The following NECAB1 variants were observed in gnomAD, a reference collection of about 807,000 sequenced individuals.
NECAB1 encodes the protein N-terminal EF-hand calcium binding protein 1, also known as N-terminal EF-hand calcium-binding protein 1.
Under a neutral mutation model 57.5 loss-of-function variants are expected in NECAB1, and 29 were observed. The ratio of observed to expected loss-of-function variants is 0.50; its 90% confidence interval spans 0.38 to 0.69. NECAB1 has a LOEUF of 0.69. NECAB1 is among the 30% of genes least tolerant of loss of function. NECAB1 has a pLI of 0.00. For synonymous variants in NECAB1, 142 were observed against 147.7 expected (o/e 0.96, Z 0.28); for missense variants, 372 against 413.8 (o/e 0.90, Z 0.88).
intron 6 of NECAB1, among the ~76,000 whole-genome samples, chr8:90,924,608 C>T (rs1040507348): frequency 3.9e-5 from 6 of 152,168 alleles, no homozygotes; most frequent in Admixed American, 1.3e-4. Context: ...TTCTTTTTCA[C>T]ATATTAAGTG....
At chr8:90,950,921 C>A (rs1291210892) in intron 11 of NECAB1, among the ~76,000 whole-genome samples, 192 bp from the exon 12 acceptor site, 1 of 152,094 alleles carries the variant, frequency 6.6e-6, no homozygotes, top group East Asian at 1.9e-4. Flanking sequence ...AAAAAAGTTT[C>A]TGATGACAAT....
chr8:90,793,883 G>C (rs1049468340), intron 1 of NECAB1, among the ~76,000 whole-genome samples: 3 of 152,204 alleles, frequency 2.0e-5, no homozygotes, highest in African/African-American at 7.2e-5. Context: ...CAACTGCAAT[G>C]TTTTCGAAGA....
intron 5 of NECAB1, among the ~76,000 whole-genome samples, chr8:90,904,865 T>A (rs1163074971): frequency 2.0e-5 from 3 of 152,152 alleles, no homozygotes; most frequent in African/African-American, 7.2e-5. Context: ...TAAATGGTGC[T>A]AGAAAAATGA....
intron 5 of NECAB1, among the ~76,000 whole-genome samples, chr8:90,889,138 A>AAAT (rs201192606): frequency 5.9e-5 from 9 of 152,176 alleles, no homozygotes; most frequent in South Asian, 2.1e-4. Context: ...TTATGAACCA[A>AAAT]AATAATAATA....
chr8:90,864,790 G>A (rs1563510111), intron 3 of NECAB1, among the ~76,000 whole-genome samples: 1 of 152,082 alleles, frequency 6.6e-6, no homozygotes, highest in African/African-American at 2.4e-5. Context: ...GCTTTTGATG[G>A]CGCATGGCTT....
chr8:90,819,159 G>T (rs1321076684), intron 2 of NECAB1, among the ~76,000 whole-genome samples: 1 of 151,462 alleles, frequency 6.6e-6, no homozygotes, highest in Non-Finnish European at 1.5e-5. Context: ...TTCATTCTCT[G>T]TTAGAATTTT....
chr8:90,809,028 G>C (rs1295234154), intron 2 of NECAB1, among the ~76,000 whole-genome samples: 1 of 152,180 alleles, frequency 6.6e-6, no homozygotes, highest in African/African-American at 2.4e-5. Flanking sequence ...GCAGTGCCCA[G>C]AGGTCTGTCC....
chr8:90,923,275 T>G (rs879799969), intron 6 of NECAB1, among the ~76,000 whole-genome samples: 3 of 152,192 alleles, frequency 2.0e-5, no homozygotes, highest in Non-Finnish European at 4.4e-5. Flanking sequence ...CTGGCACAGC[T>G]GATAGGACAC....
chr8:90,935,602 T>C (rs1413379577), intron 9 of NECAB1, among the ~76,000 whole-genome samples: 3 of 152,150 alleles, frequency 2.0e-5, no homozygotes, highest in African/African-American at 7.2e-5. Flanking sequence ...TATCTTCTCG[T>C]AGGTTTGCAT....
At chr8:90,840,950 CAAAAA>C (rs34615882) in intron 3 of NECAB1, among the ~76,000 whole-genome samples, 18 of 121,666 alleles carry the variant, frequency 1.5e-4, no homozygotes, top group Admixed American at 9.5e-4. Flanking sequence ...TAAATCTATT[CAAAAA>C]AAAAAAAAAA....
At chr8:90,949,064 T>G (rs1586151696) in intron 10 of NECAB1, among the ~76,000 whole-genome samples, 1 of 150,470 alleles carries the variant, frequency 6.6e-6, no homozygotes, top group Non-Finnish European at 1.5e-5. Flanking sequence ...GAAAAGAAAT[T>G]TAAAAGTAAA....
In NECAB1 at chr8:90,827,530, G is replaced by A. The variant is rs191266462; in HGVS notation, c.233+2705G>A. ...AAGATTCTGTTCCTTGTGAAAGAATGTTCTAAGACAGTGTTACCCAATCAC... is the reference window on the plus strand; with the variant it reads ...AAGATTCTGTTCCTTGTGAAAGAATATTCTAAGACAGTGTTACCCAATCAC... On this transcript the variant is annotated intron_variant, in intron 3 of 12. Coordinates refer to ENST00000417640, the MANE Select transcript of NECAB1 (RefSeq NM_022351.5). Among the ~76,000 whole-genome samples, 19 of 152,080 alleles carry A rather than the reference G, an allele frequency of 1.2e-4. No homozygotes were observed. In the East Asian group the frequency reaches 3.3e-3, roughly 26 times the overall value.
At chr8:90,892,418 CATCT>C (rs1403111644) in intron 5 of NECAB1, among the ~76,000 whole-genome samples, 1 of 152,160 alleles carries the variant, frequency 6.6e-6, no homozygotes, top group African/African-American at 2.4e-5. Flanking sequence ...CTAAGTATCA[CATCT>C]ATCAAATTTT....
intron 3 of NECAB1, among the ~76,000 whole-genome samples, chr8:90,834,377 G>A (rs1041770508): frequency 6.6e-6 from 1 of 152,078 alleles, no homozygotes; most frequent in Non-Finnish European, 1.5e-5. Context: ...AGTATTAAAA[G>A]AGAGGGCCTT....
chr8:90,906,876 CAT>C (rs57808023), intron 5 of NECAB1, among the ~76,000 whole-genome samples: 1,367 of 121,664 alleles, frequency 0.011, 16 homozygotes, highest in South Asian at 0.043. Flanking sequence ...ATGATATACA[CAT>C]ATATATATAT....
At chr8:90,913,820 G>A (rs1480712064) in intron 5 of NECAB1, among the ~76,000 whole-genome samples, 4 of 152,164 alleles carry the variant, frequency 2.6e-5, no homozygotes, top group African/African-American at 4.8e-5. Context: ...GTGCCACCCG[G>A]GTCTGCAGTC....
At chr8:90,842,228 G>T (rs1265959838) in intron 3 of NECAB1, among the ~76,000 whole-genome samples, 6 of 152,164 alleles carry the variant, frequency 3.9e-5, no homozygotes, top group African/African-American at 1.4e-4. Context: ...GGTGGAGCCT[G>T]GGGAGTATTA....
intron 5 of NECAB1, among the ~76,000 whole-genome samples, chr8:90,894,873 T>C (rs1266877986): frequency 1.3e-5 from 2 of 152,202 alleles, no homozygotes; most frequent in Non-Finnish European, 2.9e-5. Context: ...TACATGCTGA[T>C]TTTTTTAGAT....
intron 11 of NECAB1, among the ~76,000 whole-genome samples, chr8:90,950,768 AT>A (rs763270703): frequency 5.9e-5 from 9 of 152,108 alleles, no homozygotes; most frequent in Non-Finnish European, 1.2e-4. Context: ...TTTTAGATTT[AT>A]TTTTATTATC....
Sources: allele counts gnomAD v4.1 joint callset (sites outside exome capture counted in the v4.1 genomes callset), GRCh38; gene constraint gnomAD v4.1.1; transcripts MANE v1.5; gene names NCBI Gene and HGNC (gene_info 2026-07-23, HGNC 2026-07-21).